The following KIF3B variants were observed in gnomAD, a reference collection of about 807,000 sequenced individuals.
KIF3B encodes the protein kinesin-like protein KIF3B.
KIF3B carries 38 observed loss-of-function variants against 74.3 expected under a neutral mutation model. The observed-to-expected ratio is 0.51, with a 90% CI of 0.39 to 0.67. The LOEUF (loss-of-function observed/expected upper bound fraction) is 0.67. Among genes scored for constraint, KIF3B ranks in the 30% least tolerant of loss-of-function variants. KIF3B has a pLI of 0.00. For missense variants in KIF3B, 649 were observed against 932.0 expected (o/e 0.70, Z 3.95); for synonymous variants, 326 against 342.5 (o/e 0.95, Z 0.53).
At chr20:32,300,340 C>G (rs570620362) in intron 1 of KIF3B, among the ~76,000 whole-genome samples, 1 of 151,742 alleles carries the variant, frequency 6.6e-6, no homozygotes, top group Non-Finnish European at 1.5e-5. Context: ...TGCAGTGGTG[C>G]GATCTCCACT....
chr20:32,285,846 T>C (rs1360638817), intron 1 of KIF3B, among the ~76,000 whole-genome samples: 1 of 152,194 alleles, frequency 6.6e-6, no homozygotes, highest in African/African-American at 2.4e-5. Context: ...AGCATTACAA[T>C]CAGCTCATCT....
chr20:32,323,334 T>C (rs1004553223), intron 5 of KIF3B, among the ~76,000 whole-genome samples: 1 of 150,802 alleles, frequency 6.6e-6, no homozygotes, highest in Non-Finnish European at 1.5e-5. Flanking sequence ...TAGGACTACA[T>C]GTTACATTTG....
At chr20:32,323,076 ATT>A (rs2047881490) in intron 5 of KIF3B, among the ~76,000 whole-genome samples, 7 of 118,244 alleles carry the variant, frequency 5.9e-5, no homozygotes, top group African/African-American at 2.4e-4. Context: ...ATATTTATAT[ATT>A]TATATATATT....
rs2047923931 is a variant in KIF3B, at chr20:32,330,267, C to T, written c.2095C>T (p.Gln699Ter). The T allele has an allele frequency of 1.2e-6, 2 of 1,614,078 alleles. No individual in the cohort carries two copies. The highest frequency in any genetic ancestry group is 1.7e-6 in the Non-Finnish European group (2 of 1,180,002). ...DAALQDEDEI[Q>*]VDASSFESTA... ...GGCTCTGCAGGATGAAGATGAGATA[C>T]AGGTGGATGCATCATCATTTGAAAG... Residue 699 changes from glutamine (Q) to a stop codon, truncating the protein, a stop_gained, in exon 8 of 9, where the codon CAG becomes TAG. Coordinates refer to ENST00000375712, the MANE Select transcript of KIF3B (RefSeq NM_004798.4). LOFTEE classifies it high-confidence loss of function.
chr20:32,328,222 G>A (rs1266636698), intron 7 of KIF3B, among the ~76,000 whole-genome samples: 3 of 152,086 alleles, frequency 2.0e-5, no homozygotes, highest in South Asian at 2.1e-4. Flanking sequence ...TCAGGAGTTC[G>A]AGACCAGCCT....
At chr20:32,326,080 T>C (rs755166223) in intron 5 of KIF3B, among the ~76,000 whole-genome samples, 1 of 152,276 alleles carries the variant, frequency 6.6e-6, no homozygotes, top group East Asian at 1.9e-4. Flanking sequence ...CCTTTTGGCA[T>C]TGTTTTGTCC....
intron 1 of KIF3B, among the ~76,000 whole-genome samples, chr20:32,301,247 C>T (rs1273331411): frequency 2.6e-5 from 4 of 151,860 alleles, no homozygotes; most frequent in Non-Finnish European, 5.9e-5. Flanking sequence ...GCCACCACAC[C>T]CAGCTAATTT....
intron 1 of KIF3B, among the ~76,000 whole-genome samples, chr20:32,285,350 A>G (rs2047662827): frequency 6.6e-6 from 1 of 152,196 alleles, no homozygotes; most frequent in East Asian, 1.9e-4. Context: ...GGTGATAAAT[A>G]TCTACACTGG....
At position 32,326,773 on chromosome 20, in the gene KIF3B, A is replaced by G. The variant is rs1401479023; in HGVS notation, c.1751A>G (p.His584Arg). The G allele has an allele frequency of 6.5e-6, 8 of 1,230,684 alleles. No homozygotes were observed. The highest frequency in any genetic ancestry group is 9.5e-6 in the Non-Finnish European group (8 of 842,878). 76.2% of individuals were successfully genotyped at this position (1,230,684 alleles called of 1,614,324 possible). The change falls in exon 6 of 9, where the codon CAT becomes CGT. Residue 584 changes from histidine to arginine, a missense_variant and splice_region_variant. This residue lies in a region of KIF3B where 363 missense variants were observed against 592.8 expected (regional missense o/e 0.61). Transcript: ENST00000375712. The stretch of plus-strand genomic sequence containing the variant: ...ACCTGTTATGTGTGCTCTTACAGGC[A>G]TCTTATTATAGAAAACTTTATCCCT... ...NELTRELKLK[H>R]LIIENFIPLE...
At chr20:32,309,518 A>G (rs1015256016) in intron 1 of KIF3B, among the ~76,000 whole-genome samples, 195 bp from the exon 2 acceptor site, 1 of 152,140 alleles carries the variant, frequency 6.6e-6, no homozygotes, top group Non-Finnish European at 1.5e-5. Flanking sequence ...CTAGCCAACA[A>G]CACTGGTGGA....
intron 1 of KIF3B, among the ~76,000 whole-genome samples, chr20:32,294,538 A>G (rs886524486): frequency 3.3e-5 from 5 of 152,210 alleles, no homozygotes; most frequent in African/African-American, 1.2e-4. Flanking sequence ...CTAGAGGTCA[A>G]TATTACCTGC....
At chr20:32,314,545 A>C (rs955596931) in intron 2 of KIF3B, among the ~76,000 whole-genome samples, 10 of 152,148 alleles carry the variant, frequency 6.6e-5, no homozygotes, top group Admixed American at 2.0e-4. Context: ...ATCTAAAAAA[A>C]AAAAAAAGAA....
intron 1 of KIF3B, among the ~76,000 whole-genome samples, chr20:32,299,379 GTATA>G (rs1555895040): frequency 0.011 from 246 of 23,096 alleles, 10 homozygotes; most frequent in African/African-American, 0.03. Flanking sequence ...TGGTGTGTGT[GTATA>G]TATATATATA....
chr20:32,324,353 T>A (rs2047892404), intron 5 of KIF3B, among the ~76,000 whole-genome samples: 1 of 152,208 alleles, frequency 6.6e-6, no homozygotes, highest in East Asian at 1.9e-4. Flanking sequence ...TTAGCAGGCA[T>A]CAGAATTACC....
In KIF3B at chr20:32,331,304, G is replaced by C. The variant is rs759838206; in HGVS notation, c.2229G>C (p.Gly743=). 5.0e-5 allele frequency: 80 copies of C among 1,609,868 alleles called. No individual in the cohort carries two copies. The Admixed American group carries it at 1.3e-3, about 27-fold the overall frequency. Residue 743 remains glycine, a synonymous_variant, in exon 9 of 9, where the codon GGG becomes GGC. Coordinates refer to ENST00000375712, the MANE Select transcript of KIF3B (RefSeq NM_004798.4). ...PASQLYPQSR[G]LVPK ...CTCAGCTTTATCCACAGTCTCGGGG[G>C]CTGGTTCCAAAGTAAAGCCAGCTTC...
intron 5 of KIF3B, among the ~76,000 whole-genome samples, chr20:32,322,791 TA>T (rs2047873641): frequency 3.0e-5 from 2 of 66,372 alleles, no homozygotes; most frequent in Admixed American, 3.0e-4. Context: ...TATATATATT[TA>T]TATATATATT....
Position 32,299,401 on chromosome 20 carries a change from A to ATTTT in KIF3B, c.-65-10311_-65-10310insTTTT, listed in dbSNP as rs1216965974. Among the ~76,000 whole-genome samples, 84 of 28,880 alleles carry ATTTT rather than the reference A, an allele frequency of 2.9e-3. 1 individual carries two copies. The highest frequency in any genetic ancestry group is 0.016 in the African/African-American group (56 of 3,584). 18.9% of individuals were successfully genotyped at this position (28,880 alleles called of 152,430 possible). A position where few individuals can be genotyped will look rare whatever the true frequency, so the allele number is the denominator to read the frequency against. On this transcript the variant is annotated intron_variant, in intron 1 of 8. Transcript: ENST00000375712. ...TGTGTATATATATATATATATATAT[A>ATTTT]TATTTTTTTTTTTTTTTTTTTTTTT...
At chr20:32,319,551 T>C (rs2047847254) in intron 5 of KIF3B, among the ~76,000 whole-genome samples, 1 of 147,930 alleles carries the variant, frequency 6.8e-6, no homozygotes, top group African/African-American at 2.5e-5. Flanking sequence ...CACATATGTG[T>C]ATATATATAG....
intron 1 of KIF3B, among the ~76,000 whole-genome samples, chr20:32,292,602 A>AAAAAAAAAG: frequency 6.6e-6 from 1 of 150,464 alleles, no homozygotes; most frequent in African/African-American, 2.4e-5. Context: ...AAAAAAAAAA[A>AAAAAAAAAG]AAAAGAAAAG....
Sources: gnomAD v4.1 joint callset for allele counts (sites outside exome capture counted in the v4.1 genomes callset) on GRCh38, gnomAD v4.1.1 for gene constraint, gnomAD v4.1.1 regional missense constraint, MANE v1.5 for transcripts, NCBI Gene and HGNC (gene_info 2026-07-23, HGNC 2026-07-21) for gene names.